Variants in ZNF385D observed in about 807,000 individuals in gnomAD.
ZNF385D encodes zinc finger protein 659.
A neutral mutation model predicts 35.8 loss-of-function variants in ZNF385D; 15 were observed. The observed-to-expected ratio is 0.42, with a 90% CI of 0.28 to 0.64. ZNF385D has a LOEUF of 0.64. Among genes scored for constraint, ZNF385D ranks in the 30% least tolerant of loss-of-function variants. ZNF385D has a pLI of 0.23. For synonymous variants in ZNF385D, 212 were observed against 186.8 expected (o/e 1.13, Z -1.10); for missense variants, 474 against 494.6 (o/e 0.96, Z 0.39).
chr3:22,335,205 G>C (rs1018882199), intron 2 of ZNF385D, among the ~76,000 whole-genome samples: 3 of 152,154 alleles, frequency 2.0e-5, no homozygotes, highest in African/African-American at 4.8e-5. Flanking sequence ...TCACAGATAG[G>C]TCTTGGCCTT....
At chr3:21,461,019 T>A (rs573493457) in intron 4 of ZNF385D, among the ~76,000 whole-genome samples, 1 of 152,304 alleles carries the variant, frequency 6.6e-6, no homozygotes, top group African/African-American at 2.4e-5. Flanking sequence ...CTTTTTAAAA[T>A]GTGGAAACAA....
intron 3 of ZNF385D, among the ~76,000 whole-genome samples, chr3:21,901,045 T>G (rs1331492390): frequency 6.6e-6 from 1 of 152,220 alleles, no homozygotes; most frequent in Non-Finnish European, 1.5e-5. Context: ...ATGATGATAA[T>G]AAACATCATA....
intron 3 of ZNF385D, among the ~76,000 whole-genome samples, chr3:22,126,310 G>GTTTT (rs57457479): frequency 6.0e-5 from 6 of 100,136 alleles, no homozygotes; most frequent in African/African-American, 1.9e-4. Context: ...TTTGAAAGTT[G>GTTTT]TTTTTTTTTT....
At chr3:22,202,175 C>T (rs575104788) in intron 2 of ZNF385D, among the ~76,000 whole-genome samples, 215 of 152,134 alleles carry the variant, frequency 1.4e-3, no homozygotes, top group African/African-American at 4.9e-3. Context: ...TATCTTACTG[C>T]AGTGATATAA....
At chr3:22,336,347 T>C (rs1368269650) in intron 2 of ZNF385D, among the ~76,000 whole-genome samples, 2 of 152,160 alleles carry the variant, frequency 1.3e-5, no homozygotes, top group African/African-American at 4.8e-5. Flanking sequence ...TTAATTCTTT[T>C]TTTATTTGTT....
chr3:21,694,873 T>TA (rs1189132298), intron 1 of ZNF385D, among the ~76,000 whole-genome samples: 7 of 152,082 alleles, frequency 4.6e-5, no homozygotes, highest in Admixed American at 2.6e-4. Context: ...AGGAGAATTT[T>TA]AAAAAATAGA....
rs572931148 is a variant in ZNF385D, at chr3:21,910,191, G to A, written c.326-245163C>T. On this transcript the variant is annotated intron_variant, in intron 3 of 5. Coordinates refer to the ZNF385D transcript ENST00000494108. The stretch of plus-strand genomic sequence containing the variant: ...GATTGCACCGTCATCCAATAGCTAT[G>A]TGACTCTTGGGCTTCATTCACTGTT... Among the ~76,000 whole-genome samples, 32 of 151,954 alleles carry A rather than the reference G, an allele frequency of 2.1e-4. No homozygotes were observed. In the South Asian group the frequency reaches 6.7e-3, roughly 32 times the overall value.
rs574874123 is a variant in ZNF385D, at chr3:21,529,903, A to T, written c.277-18880T>A. Among the ~76,000 whole-genome samples the T allele has an allele frequency of 1.6e-4, 25 of 152,258 alleles. No homozygotes were observed. The South Asian group carries it at 5.0e-3, about 30-fold the overall frequency. ...TTGCAGAAAAAGTGATATGGTTTTA[A>T]TGTGTGTTCCCAACAAATCTCATGT... On this transcript the variant is annotated intron_variant, in intron 3 of 7. Coordinates refer to ENST00000281523, the MANE Select transcript of ZNF385D (RefSeq NM_024697.3).
At chr3:21,836,319 C>T (rs1297578232) in intron 3 of ZNF385D, among the ~76,000 whole-genome samples, 5 of 152,086 alleles carry the variant, frequency 3.3e-5, no homozygotes, top group Non-Finnish European at 7.4e-5. Flanking sequence ...CTCTGATCTA[C>T]TGTTCTCTAG....
At chr3:22,203,609 C>G (rs1696952285) in intron 2 of ZNF385D, among the ~76,000 whole-genome samples, 1 of 152,086 alleles carries the variant, frequency 6.6e-6, no homozygotes, top group African/African-American at 2.4e-5. Flanking sequence ...CATCATGGGC[C>G]AGAGGGAAGC....
chr3:21,576,875 T>G (rs1396773833), intron 2 of ZNF385D, among the ~76,000 whole-genome samples: 1 of 152,186 alleles, frequency 6.6e-6, no homozygotes, highest in African/African-American at 2.4e-5. Context: ...CATTATTATT[T>G]TTAATTGATA....
At chr3:21,516,006 C>A (rs1707537137) in intron 3 of ZNF385D, among the ~76,000 whole-genome samples, 1 of 151,950 alleles carries the variant, frequency 6.6e-6, no homozygotes, top group African/African-American at 2.4e-5. Context: ...CTGAGGAACC[C>A]CACCAAAACT....
chr3:22,002,075 A>T (rs1381300284), intron 3 of ZNF385D, among the ~76,000 whole-genome samples: 2 of 151,788 alleles, frequency 1.3e-5, no homozygotes, highest in Non-Finnish European at 2.9e-5. Context: ...TAGGAAAAGG[A>T]AATAAATAAT....
At chr3:21,457,760 C>A (rs1024610892) in intron 4 of ZNF385D, among the ~76,000 whole-genome samples, 8 of 152,120 alleles carry the variant, frequency 5.3e-5, no homozygotes, top group Admixed American at 2.6e-4. Flanking sequence ...AAAACCTCAG[C>A]TGTAAGATCC....
At chr3:22,101,331 G>C (rs774914354) in intron 3 of ZNF385D, among the ~76,000 whole-genome samples, 2 of 151,970 alleles carry the variant, frequency 1.3e-5, no homozygotes, top group Admixed American at 1.3e-4. Flanking sequence ...AGTAGGTATA[G>C]ATACACATAC....
rs111837923 is a variant in ZNF385D at position 21,748,205 on chromosome 3, T to C, written c.22+2690A>G. ...TGAGGCTTAAGTCATTAGAAAGCTC[T>C]ATTATTCTGGCAAGTCTGAGACAGC... On this transcript the variant is annotated intron_variant, in intron 1 of 7. Transcript: ENST00000281523. Among the ~76,000 whole-genome samples the C allele has an allele frequency of 8.9e-3, 1,362 of 152,314 alleles. 7 individuals carry two copies. The highest frequency in any genetic ancestry group is 0.03 in the African/African-American group (1,240 of 41,548).
intron 2 of ZNF385D, among the ~76,000 whole-genome samples, chr3:22,302,431 C>T (rs1036685818): frequency 4.0e-5 from 6 of 151,568 alleles, no homozygotes; most frequent in Non-Finnish European, 7.4e-5. Flanking sequence ...TTATTTTCCT[C>T]TTCTGTGAAT....
intron 1 of ZNF385D, among the ~76,000 whole-genome samples, chr3:21,715,801 T>G (rs1395734269): frequency 6.6e-6 from 1 of 152,162 alleles, no homozygotes; most frequent in Non-Finnish European, 1.5e-5. Context: ...GCTAATAACT[T>G]ACATTTGCAT....
chr3:22,068,304 T>C (rs187501478), intron 3 of ZNF385D, among the ~76,000 whole-genome samples: 11 of 152,298 alleles, frequency 7.2e-5, no homozygotes, highest in African/African-American at 2.4e-4. Flanking sequence ...GAATTGATAC[T>C]TTGCATCAGT....
Sources: allele counts gnomAD v4.1 joint callset (sites outside exome capture counted in the v4.1 genomes callset), GRCh38; gene constraint gnomAD v4.1.1; transcripts MANE v1.5; gene names NCBI Gene and HGNC (gene_info 2026-07-23, HGNC 2026-07-21).